Variants in RNF150 observed in about 807,000 individuals in gnomAD.
RNF150 encodes ring finger protein 150.
In RNF150, 24 loss-of-function variants were observed where a neutral mutation model predicts 39.3. The observed-to-expected ratio is 0.61, with a 90% confidence interval of 0.44 to 0.86. The LOEUF (loss-of-function observed/expected upper bound fraction) is 0.86, where lower values mean the gene tolerates loss of function less well. Ranked by LOEUF, RNF150 falls within the 40% of genes least tolerant of loss-of-function variation. The pLI, the probability that RNF150 is intolerant of heterozygous loss-of-function variation, is 0.00. For missense variants in RNF150, 502 were observed against 587.8 expected, an observed-to-expected ratio of 0.85 and a Z score of 1.51; for synonymous variants, 255 against 227.3, an observed-to-expected ratio of 1.12 and a Z score of -1.10.
chr4:141,087,486 T>TA, intron 1 of RNF150, among the ~76,000 whole-genome samples: 1 of 150,912 alleles, frequency 6.6e-6, no homozygotes, highest in South Asian at 2.1e-4. Context: ...ACATCTCTAA[T>TA]GACTTCTTTC....
At chr4:141,201,605 G>A (rs1209918054) in intron 1 of RNF150, among the ~76,000 whole-genome samples, 4 of 146,626 alleles carry the variant, frequency 2.7e-5, no homozygotes, top group Non-Finnish European at 6.0e-5. Flanking sequence ...TCCATGAAAA[G>A]GAGAGAATGG....
chr4:141,062,411 T>C (rs1282866240), intron 1 of RNF150, among the ~76,000 whole-genome samples: 2 of 152,070 alleles, frequency 1.3e-5, no homozygotes, highest in Non-Finnish European at 2.9e-5. Context: ...GCACATACAG[T>C]AGCAAGTCTG....
intron 2 of RNF150, among the ~76,000 whole-genome samples, chr4:140,958,793 A>AG (rs1383823280): frequency 1.3e-5 from 2 of 152,158 alleles, no homozygotes; most frequent in African/African-American, 4.8e-5. Context: ...GTACTCATCC[A>AG]GGGGCATGAT....
intron 1 of RNF150, among the ~76,000 whole-genome samples, chr4:141,042,500 A>AAG (rs1005642057): frequency 2.6e-5 from 4 of 152,132 alleles, no homozygotes; most frequent in Non-Finnish European, 5.9e-5. Context: ...TTCTCTATGC[A>AAG]AGATGAGATG....
At chr4:141,122,360 A>G (rs1396836599) in intron 1 of RNF150, among the ~76,000 whole-genome samples, 1 of 152,256 alleles carries the variant, frequency 6.6e-6, no homozygotes, top group African/African-American at 2.4e-5. Flanking sequence ...AGCTTGGAGC[A>G]AAGTAATGCT....
intron 1 of RNF150, among the ~76,000 whole-genome samples, chr4:141,147,812 T>G (rs1297112374): frequency 6.6e-6 from 1 of 152,120 alleles, no homozygotes; most frequent in Non-Finnish European, 1.5e-5. Context: ...GATTGAACAT[T>G]ACTAATTTTT....
At chr4:141,091,624 G>A (rs779531017) in intron 1 of RNF150, among the ~76,000 whole-genome samples, 10 of 152,162 alleles carry the variant, frequency 6.6e-5, no homozygotes, top group African/African-American at 2.4e-4. Context: ...CCACTGGACC[G>A]GTACACAGGA....
At chr4:140,921,505 C>T (rs939370530) in intron 5 of RNF150, among the ~76,000 whole-genome samples, 4 of 152,210 alleles carry the variant, frequency 2.6e-5, no homozygotes, top group African/African-American at 9.6e-5. Context: ...AAGTCCAGGA[C>T]CAGATGGATT....
At chr4:141,198,116 T>C (rs1327055207) in intron 1 of RNF150, among the ~76,000 whole-genome samples, 1 of 149,954 alleles carries the variant, frequency 6.7e-6, no homozygotes, top group South Asian at 2.1e-4. Context: ...AACCTCCGCC[T>C]CCTGGTTCAA....
chr4:140,924,256 A>T (rs1324430874), intron 5 of RNF150, among the ~76,000 whole-genome samples: 2 of 152,206 alleles, frequency 1.3e-5, no homozygotes, highest in Admixed American at 1.3e-4. Flanking sequence ...CTAAAAGTTA[A>T]AATGTTATTC....
intron 1 of RNF150, among the ~76,000 whole-genome samples, chr4:141,189,044 C>G (rs372517051): frequency 6.6e-6 from 1 of 152,204 alleles, no homozygotes. Flanking sequence ...TCGATGCTTA[C>G]GACCTTTGGA....
At chr4:141,022,726 G>A (rs1333342525) in intron 1 of RNF150, among the ~76,000 whole-genome samples, 1 of 152,168 alleles carries the variant, frequency 6.6e-6, no homozygotes, top group Non-Finnish European at 1.5e-5. Context: ...CCATCAAGTT[G>A]AGAAAGTATT....
chr4:141,015,633 A>C (rs1735241175), intron 1 of RNF150, among the ~76,000 whole-genome samples: 1 of 152,144 alleles, frequency 6.6e-6, no homozygotes, highest in African/African-American at 2.4e-5. Context: ...TTCATTTATC[A>C]GTCCTAACAA....
At chr4:141,043,693 G>C (rs1736456086) in intron 1 of RNF150, among the ~76,000 whole-genome samples, 1 of 152,086 alleles carries the variant, frequency 6.6e-6, no homozygotes, top group South Asian at 2.1e-4. Flanking sequence ...AGCTAAGTAG[G>C]TCAATTGGGT....
intron 1 of RNF150, among the ~76,000 whole-genome samples, chr4:140,995,954 T>C (rs1227059366): frequency 1.3e-5 from 2 of 152,202 alleles, no homozygotes; most frequent in Non-Finnish European, 2.9e-5. Flanking sequence ...CAGATATCTC[T>C]TTCATATACT....
At chr4:141,211,706 A>G (rs1390496666) in intron 1 of RNF150, among the ~76,000 whole-genome samples, 3 of 151,018 alleles carry the variant, frequency 2.0e-5, no homozygotes, top group Non-Finnish European at 4.4e-5. Context: ...TCTGGTAACT[A>G]TTGTCATCCA....
chr4:140,963,797 T>A (rs1451861491), intron 2 of RNF150, among the ~76,000 whole-genome samples: 2 of 152,066 alleles, frequency 1.3e-5, no homozygotes, highest in African/African-American at 4.8e-5. Context: ...AAACTTAGAC[T>A]ATGGCCATTG....
At chr4:141,168,237 A>G (rs983121494) in intron 1 of RNF150, among the ~76,000 whole-genome samples, 14 of 152,364 alleles carry the variant, frequency 9.2e-5, no homozygotes, top group African/African-American at 3.1e-4. Flanking sequence ...AATCAAAACC[A>G]CAATGAGATA....
chr4:141,164,494 C>T (rs1727567684), intron 1 of RNF150, among the ~76,000 whole-genome samples: 1 of 152,080 alleles, frequency 6.6e-6, no homozygotes, highest in Non-Finnish European at 1.5e-5. Flanking sequence ...CCCCAAGACA[C>T]ATAATCAACC....
Sources: allele counts gnomAD v4.1 joint callset (sites outside exome capture counted in the v4.1 genomes callset), GRCh38; gene constraint gnomAD v4.1.1; transcripts MANE v1.5; gene names NCBI Gene and HGNC (gene_info 2026-07-23, HGNC 2026-07-21).